The following ARMC2 variants were observed in gnomAD, a reference collection of about 807,000 sequenced individuals.
ARMC2 encodes armadillo repeat containing 2.
In ARMC2, 67 loss-of-function variants were observed where a neutral mutation model predicts 90.3. The observed-to-expected ratio is 0.74, with a 90% CI of 0.61 to 0.91. The LOEUF is 0.91. Ranked by LOEUF, ARMC2 falls within the 40% of genes least tolerant of loss-of-function variation. The pLI is 0.00. For missense variants in ARMC2, 920 were observed against 1,030.9 expected (o/e 0.89, Z 1.47); for synonymous variants, 393 against 393.0 (o/e 1.00, Z 0.00).
chr6:108,943,835 AAAAAC>A (rs953923661), intron 12 of ARMC2, among the ~76,000 whole-genome samples: 1 of 152,204 alleles, frequency 6.6e-6, no homozygotes, highest in Non-Finnish European at 1.5e-5. Flanking sequence ...CCTGTCTCAA[AAAAAC>A]AAAACAAGAC....
At chr6:108,946,326 C>T (rs910797563) in intron 12 of ARMC2, among the ~76,000 whole-genome samples, 2 of 152,186 alleles carry the variant, frequency 1.3e-5, no homozygotes, top group Non-Finnish European at 2.9e-5. Flanking sequence ...AGGAATCAAG[C>T]GTAATCTCTT....
intron 1 of ARMC2, among the ~76,000 whole-genome samples, chr6:108,851,544 T>G (rs1407940388): frequency 6.6e-6 from 1 of 152,200 alleles, no homozygotes; most frequent in East Asian, 1.9e-4. Context: ...GCAGCCCCAA[T>G]GCCTCTAAGT....
the ARMC2 span, chr6:108,992,953 G>T: frequency 8.5e-7 from 1 of 1,182,948 alleles, no homozygotes; most frequent in Non-Finnish European, 1.3e-6. Flanking sequence ...AGTTAAAATT[G>T]ATTTTACCCA....
chr6:108,986,293 C>G, the ARMC2 span: 1 of 152,374 alleles, frequency 6.6e-6, no homozygotes, highest in African/African-American at 2.4e-5. Flanking sequence ...AAAGAAAGTC[C>G]ACTCCTCTTT....
the ARMC2 span, among the ~76,000 whole-genome samples, chr6:109,031,392 A>T: frequency 6.6e-6 from 1 of 152,144 alleles, no homozygotes; most frequent in Non-Finnish European, 1.5e-5. Context: ...TAGTGCTACC[A>T]TTCCACCTCC....
intron 17 of ARMC2, among the ~76,000 whole-genome samples, chr6:108,966,328 C>T (rs181893920): frequency 2.0e-4 from 30 of 151,962 alleles, no homozygotes; most frequent in Admixed American, 1.4e-3. Flanking sequence ...TCAGCCGTTC[C>T]GAAATGATAT....
rs1183844471 is a variant in ARMC2, at chr6:108,962,060, G to A, written c.2085G>A (p.Glu695=). Reference sequence around the variant, plus strand: ...GTAACAACATGGATGGAATCCTGGAGGCTGTGCGTGTTTTCGGAAATCTCT... The same window carrying A: ...GTAACAACATGGATGGAATCCTGGAAGCTGTGCGTGTTTTCGGAAATCTCT... ...LVSNNMDGIL[E]AVRVFGNLSQ... The change falls in exon 15 of 18, where the codon GAG becomes GAA. Residue 695 remains glutamate (E), a synonymous_variant. Transcript: ENST00000392644. 10 of 1,613,466 alleles carry A rather than the reference G, an allele frequency of 6.2e-6. No individual in the cohort carries two copies. Among genetic ancestry groups the A allele is most frequent in the Non-Finnish European group, 8.5e-6 (10 of 1,179,784 alleles).
the ARMC2 span, among the ~76,000 whole-genome samples, chr6:109,017,098 T>C: frequency 6.6e-6 from 1 of 152,082 alleles, no homozygotes; most frequent in Admixed American, 6.5e-5. Context: ...ATTGTGAAGG[T>C]GAATTTCGTC....
intron 4 of ARMC2, among the ~76,000 whole-genome samples, chr6:108,875,330 G>T (rs1698163439): frequency 6.6e-6 from 1 of 152,084 alleles, no homozygotes; most frequent in Non-Finnish European, 1.5e-5. Flanking sequence ...CTACTAGGCT[G>T]GGCCTCCACA....
At chr6:109,032,309 C>T in the ARMC2 span, among the ~76,000 whole-genome samples, 4 of 151,840 alleles carry the variant, frequency 2.6e-5, no homozygotes, top group Non-Finnish European at 4.4e-5. Context: ...TCAGATGAGG[C>T]GTGCTCCCCC....
At chr6:108,850,924 G>T (rs1773951316) in intron 1 of ARMC2, among the ~76,000 whole-genome samples, 2 of 152,154 alleles carry the variant, frequency 1.3e-5, no homozygotes, top group East Asian at 3.9e-4. Context: ...AGCAGGGTGG[G>T]AGAGGCATGT....
chr6:109,007,782 G>C, the ARMC2 span, among the ~76,000 whole-genome samples: 1 of 131,258 alleles, frequency 7.6e-6, no homozygotes, highest in East Asian at 2.2e-4. Context: ...GAAAGTCCAG[G>C]TACTTTTTTT....
intron 10 of ARMC2, among the ~76,000 whole-genome samples, chr6:108,916,363 C>G (rs1773969805): frequency 6.6e-6 from 1 of 152,216 alleles, no homozygotes. Context: ...GGTACTTCCA[C>G]ATGGCCAACA....
intron 5 of ARMC2, chr6:108,880,020 GA>G: frequency 2.3e-6 from 1 of 442,246 alleles, no homozygotes; most frequent in East Asian, 7.0e-5. Flanking sequence ...TCAAAAATAA[GA>G]AAAGAGGGCT....
the ARMC2 span, among the ~76,000 whole-genome samples, chr6:109,012,244 CTT>C: frequency 1.9e-4 from 27 of 138,866 alleles, no homozygotes; most frequent in Admixed American, 1.4e-4. Context: ...TTTGATATTT[CTT>C]TTTTTTTTTT....
chr6:108,882,627 G>A (rs1377706112), intron 5 of ARMC2, among the ~76,000 whole-genome samples: 1 of 152,036 alleles, frequency 6.6e-6, no homozygotes, highest in Non-Finnish European at 1.5e-5. Flanking sequence ...AAATACAGTA[G>A]GACATGGTGG....
At chr6:108,909,622 G>C (rs947160224) in intron 8 of ARMC2, among the ~76,000 whole-genome samples, 6 of 151,952 alleles carry the variant, frequency 3.9e-5, no homozygotes, top group African/African-American at 1.4e-4. Context: ...TGCAACCTCC[G>C]CCTCCCGGGT....
At position 108,904,372 on chromosome 6, in the gene ARMC2, G is replaced by A. The variant is rs1772452143; in HGVS notation, c.990G>A (p.Ser330=). The A allele has an allele frequency of 5.6e-6, 9 of 1,611,576 alleles. 1 individual carries two copies. The highest frequency in any genetic ancestry group is 3.3e-5 in the South Asian group (3 of 90,630). The change falls in exon 8 of 18, where the codon TCG becomes TCA. Residue 330 remains serine (S), a synonymous_variant. Coordinates refer to ENST00000392644, the MANE Select transcript of ARMC2 (RefSeq NM_032131.6). ...AACTAGTTGATGTTGGTTCAGACTC[G>A]CTCAGCCTTAAACTTGCAAAAATAA... ...LCKLVDVGSD[S]LSLKLAKIIL...
intron 17 of ARMC2, among the ~76,000 whole-genome samples, chr6:108,971,660 C>T (rs892384364): frequency 2.0e-5 from 3 of 152,062 alleles, no homozygotes; most frequent in East Asian, 1.9e-4. Flanking sequence ...CAGTGGCTCA[C>T]GCCTGTAACC....
Sources: gnomAD v4.1 joint callset for allele counts (sites outside exome capture counted in the v4.1 genomes callset) on GRCh38, gnomAD v4.1.1 for gene constraint, MANE v1.5 for transcripts, NCBI Gene and HGNC (gene_info 2026-07-23, HGNC 2026-07-21) for gene names.